Variants in ANK3 observed in about 807,000 individuals in gnomAD.
The protein encoded by ANK3 is ankyrin 3.
ANK3 carries 57 observed loss-of-function variants against 370.9 expected under a neutral mutation model. The ratio of observed to expected loss-of-function variants is 0.15; its 90% CI spans 0.12 to 0.19. The LOEUF (loss-of-function observed/expected upper bound fraction) is 0.19. Among genes scored for constraint, ANK3 ranks in the 10% least tolerant of loss-of-function variants. The probability of loss-of-function intolerance (pLI) is 1.00; values close to 1 mark genes in which losing one functional copy is unlikely to be tolerated. For synonymous variants in ANK3, 1,929 were observed against 1,946.3 expected, an observed-to-expected ratio of 0.99 and a Z score of 0.23; for missense variants, 4,439 against 5,302.1, an observed-to-expected ratio of 0.84 and a Z score of 5.06.
intron 2 of ANK3, among the ~76,000 whole-genome samples, chr10:60,510,220 C>CAT (rs775014294): frequency 1.4e-4 from 22 of 152,122 alleles, no homozygotes; most frequent in Admixed American, 5.9e-4. Context: ...ACAGAGCTTT[C>CAT]ATATATATAT....
intron 1 of ANK3, among the ~76,000 whole-genome samples, chr10:60,369,639 T>C (rs1481440310): frequency 1.3e-5 from 2 of 152,190 alleles, no homozygotes; most frequent in African/African-American, 2.4e-5. Flanking sequence ...TGTCATTGTA[T>C]ATCTCACAAT....
At chr10:60,353,153 G>GTT (rs1481181095) in intron 1 of ANK3, among the ~76,000 whole-genome samples, 18,606 of 134,858 alleles carry the variant, frequency 0.14, 1,724 homozygotes, top group South Asian at 0.25. Flanking sequence ...GCTAATTTTT[G>GTT]TTTTGTTTTT....
At position 60,582,131 on chromosome 10, in the gene ANK3, G is replaced by A. The variant is rs188990175; in HGVS notation, c.96+33055C>T. On this transcript the variant is annotated intron_variant, in intron 2 of 43. Coordinates refer to the ANK3 transcript ENST00000373827. ...CACTGGGGCTTGTCAGGGGTTGCGG[G>A]GCTAGGGGAGGGATAGCATTAGGAG... Among the ~76,000 whole-genome samples, 87 of 152,148 alleles carry A rather than the reference G, an allele frequency of 5.7e-4. 1 individual carries two copies. In the East Asian group the frequency reaches 0.015, roughly 27 times the overall value.
At chr10:60,039,026 A>G (rs988153959) in intron 43 of ANK3, among the ~76,000 whole-genome samples, 6 of 152,134 alleles carry the variant, frequency 3.9e-5, no homozygotes, top group African/African-American at 1.4e-4. Flanking sequence ...TGGATCCTGG[A>G]CTTTGTATTT....
chr10:60,381,605 T>C (rs1456199205), intron 1 of ANK3, among the ~76,000 whole-genome samples: 2 of 152,154 alleles, frequency 1.3e-5, no homozygotes, highest in Non-Finnish European at 2.9e-5. Flanking sequence ...ATTCCCTCTT[T>C]TTCTCAGTTC....
intron 1 of ANK3, among the ~76,000 whole-genome samples, chr10:60,386,257 A>C (rs547201554): frequency 6.6e-6 from 1 of 152,256 alleles, no homozygotes; most frequent in African/African-American, 2.4e-5. Flanking sequence ...AGAAGTGTGA[A>C]GGGAAAAAGA....
At chr10:60,650,691 C>A (rs2078776163) in intron 1 of ANK3, among the ~76,000 whole-genome samples, 1 of 152,052 alleles carries the variant, frequency 6.6e-6, no homozygotes, top group African/African-American at 2.4e-5. Flanking sequence ...AATAATGGAC[C>A]CCAGGAGGCT....
At chr10:60,197,654 C>T (rs1221018270) in intron 14 of ANK3, among the ~76,000 whole-genome samples, 1 of 152,174 alleles carries the variant, frequency 6.6e-6, no homozygotes, top group African/African-American at 2.4e-5. Context: ...ATATTGATTA[C>T]ACATTAATCT....
chr10:60,254,445 T>G (rs1453305811), intron 7 of ANK3, among the ~76,000 whole-genome samples: 1 of 152,188 alleles, frequency 6.6e-6, no homozygotes, highest in Non-Finnish European at 1.5e-5. Context: ...CTCCTCTCCA[T>G]GCTCCAGTAG....
intron 1 of ANK3, among the ~76,000 whole-genome samples, chr10:60,669,122 G>A (rs1350122583): frequency 1.3e-5 from 2 of 152,196 alleles, no homozygotes; most frequent in Non-Finnish European, 2.9e-5. Context: ...CTCCACACAC[G>A]TGTCAAACAG....
At chr10:60,444,415 G>A (rs28640007) in intron 2 of ANK3, among the ~76,000 whole-genome samples, 3 of 144,438 alleles carry the variant, frequency 2.1e-5, no homozygotes, top group African/African-American at 7.8e-5. Flanking sequence ...AACATTATAT[G>A]TATATATAAC....
intron 2 of ANK3, among the ~76,000 whole-genome samples, chr10:60,534,098 G>A (rs542198877): frequency 8.5e-5 from 13 of 152,112 alleles, no homozygotes; most frequent in East Asian, 5.8e-4. Context: ...AAGAGTCACC[G>A]CTCCGATATT....
intron 8 of ANK3, among the ~76,000 whole-genome samples, chr10:60,229,243 C>T (rs928177096): frequency 6.6e-6 from 1 of 152,046 alleles, no homozygotes; most frequent in Middle Eastern, 3.4e-3. Flanking sequence ...CATGAAGAAA[C>T]ATTTTCAGGC....
rs111438260 is a variant in ANK3, at chr10:60,261,980, A to T, written c.700-23T>A. ...ACTCTGTAAAGAAAACATAGCAGAC[A>T]TTCAATTGATTCCTGCCAGCCCCCT... is the stretch of plus-strand genomic sequence containing the variant. On this transcript the variant is annotated intron_variant, in intron 6 of 43. Transcript: ENST00000280772. The T allele has an allele frequency of 1.4e-5, 23 of 1,591,364 alleles. No individual in the cohort carries two copies. The African/African-American group carries it at 2.0e-4, about 14-fold the overall frequency.
At position 60,055,861 on chromosome 10, in the gene ANK3, G is replaced by A. The variant is rs1450131556; in HGVS notation, c.12862C>T (p.His4288Tyr). The A allele has an allele frequency of 6.2e-7, 1 of 1,614,152 alleles. No homozygotes were observed. The highest frequency in any genetic ancestry group is 8.5e-7 in the Non-Finnish European group (1 of 1,180,024). ...STKETLKPKI[H>Y]GSGHVEEPAS... is the part of the protein sequence containing the mutation. ...GGTTCTTCAACATGACCAGATCCAT[G>A]TATTTTTGGTTTCAGAGTTTCCTTG... Residue 4288 changes from histidine (H) to tyrosine (Y), a missense_variant, in exon 42 of 44, where the codon CAT becomes TAT. By Grantham distance (83) the His-to-Tyr change is moderately conservative. Coordinates refer to ENST00000280772, the MANE Select transcript of ANK3 (RefSeq NM_020987.5).
chr10:60,561,113 G>A (rs1456284685), intron 2 of ANK3, among the ~76,000 whole-genome samples: 3 of 152,168 alleles, frequency 2.0e-5, no homozygotes, highest in Non-Finnish European at 2.9e-5. Flanking sequence ...CAGAAATTAT[G>A]TGGAGGTTAA....
At chr10:60,045,451 A>C (rs2131876295) in intron 42 of ANK3, among the ~76,000 whole-genome samples, 1 of 152,294 alleles carries the variant, frequency 6.6e-6, no homozygotes, top group East Asian at 1.9e-4. Flanking sequence ...TAACACGACA[A>C]ACTACTCAGC....
At chr10:60,076,527 A>T in intron 36 of ANK3, 79 bp from the exon 37 acceptor site, 3 of 1,477,836 alleles carry the variant, frequency 2.0e-6, no homozygotes, top group Non-Finnish European at 1.8e-6. Context: ...CAGAGAAAAA[A>T]ATTGGTCAGT....
intron 2 of ANK3, among the ~76,000 whole-genome samples, chr10:60,599,113 T>C (rs1161346929): frequency 6.6e-6 from 1 of 151,990 alleles, no homozygotes; most frequent in East Asian, 1.9e-4. Context: ...TTATTTTCCA[T>C]AGAAACAAGG....
Sources: gnomAD v4.1 joint callset for allele counts (sites outside exome capture counted in the v4.1 genomes callset) on GRCh38, gnomAD v4.1.1 for gene constraint, MANE v1.5 for transcripts, NCBI Gene and HGNC (gene_info 2026-07-23, HGNC 2026-07-21) for gene names.